The following KCNH5 variants were observed in gnomAD, a reference collection of about 807,000 sequenced individuals.
The protein encoded by KCNH5 is voltage-gated delayed rectifier potassium channel KCNH5.
A neutral mutation model predicts 96.1 loss-of-function variants in KCNH5; 46 were observed. That is an observed-to-expected ratio of 0.48 (90% CI 0.38 to 0.61). The LOEUF is 0.61. Among genes scored for constraint, KCNH5 ranks in the 20% least tolerant of loss-of-function variants. KCNH5 has a pLI of 0.00. For synonymous variants in KCNH5, 439 were observed against 449.8 expected (o/e 0.98, Z 0.30); for missense variants, 907 against 1,225.8 (o/e 0.74, Z 3.88).
chr14:62,940,048 T>A (rs565800955), intron 7 of KCNH5, among the ~76,000 whole-genome samples: 23 of 152,326 alleles, frequency 1.5e-4, no homozygotes, highest in African/African-American at 4.3e-4. Flanking sequence ...ATGGTTTACA[T>A]AACTGATATA....
chr14:62,809,981 C>T lies in KCNH5; in HGVS notation c.1570-7400G>A, dbSNP rs113710334. 2.1e-3 allele frequency among the ~76,000 whole-genome samples: 317 copies of T among 152,162 alleles called. 1 individual carries two copies. Among genetic ancestry groups the T allele is most frequent in the African/African-American group, 7.1e-3 (295 of 41,562 alleles). On this transcript the variant is annotated intron_variant, in intron 8 of 10. Transcript: ENST00000322893. ...GGGCATATTACAATCAGCTAACAAG[C>T]CCATATCAGCTTAGTTCCAACAGTT...
intron 6 of KCNH5, among the ~76,000 whole-genome samples, chr14:62,980,291 G>A (rs1022174530): frequency 6.6e-6 from 1 of 152,146 alleles, no homozygotes; most frequent in Non-Finnish European, 1.5e-5. Flanking sequence ...CAGACAAAAT[G>A]TAAAGCAAAA....
chr14:62,990,981 C>G (rs1184164906), intron 4 of KCNH5, among the ~76,000 whole-genome samples: 2 of 152,008 alleles, frequency 1.3e-5, no homozygotes, highest in South Asian at 2.1e-4. Context: ...GGGGATCACC[C>G]CCATGATCTA....
At chr14:62,938,939 G>T (rs1220151896) in intron 7 of KCNH5, among the ~76,000 whole-genome samples, 1 of 152,198 alleles carries the variant, frequency 6.6e-6, no homozygotes, top group Non-Finnish European at 1.5e-5. Flanking sequence ...TGTTGAATTT[G>T]AAATTTGATT....
intron 6 of KCNH5, among the ~76,000 whole-genome samples, chr14:62,969,305 A>G (rs1447285786): frequency 6.6e-6 from 1 of 152,204 alleles, no homozygotes; most frequent in Non-Finnish European, 1.5e-5. Flanking sequence ...CATATGCTGG[A>G]AAAGAAGAAA....
intron 1 of KCNH5, among the ~76,000 whole-genome samples, chr14:63,036,971 T>C (rs76372504): frequency 0.014 from 2,151 of 152,248 alleles, 58 homozygotes; most frequent in African/African-American, 0.05. Flanking sequence ...TTCAGCATTA[T>C]GGAGGAGGCG....
intron 10 of KCNH5, among the ~76,000 whole-genome samples, chr14:62,708,848 A>G (rs1253002942): frequency 6.6e-6 from 1 of 152,222 alleles, no homozygotes; most frequent in African/African-American, 2.4e-5. Flanking sequence ...GTATACATAT[A>G]TAAGGAAATA....
intron 5 of KCNH5, among the ~76,000 whole-genome samples, chr14:62,982,686 C>T (rs374406451): frequency 2.0e-5 from 3 of 152,268 alleles, no homozygotes; most frequent in Admixed American, 2.0e-4. Flanking sequence ...AAGTTCCTCT[C>T]ATATACAGAA....
At position 62,916,572 on chromosome 14, in the gene KCNH5, C is replaced by T. The variant is rs1344801668; in HGVS notation, c.1369+33561G>A. ...ACAATTAAGTTTGTTGTGCCATTGA[C>T]GTGCCTTCTCTGATTTCTGATGAGA... is the stretch of plus-strand genomic sequence containing the variant. On this transcript the variant is annotated intron_variant, in intron 7 of 10. Transcript: ENST00000322893. 3.3e-5 allele frequency among the ~76,000 whole-genome samples: 5 copies of T among 152,174 alleles called. No individual in the cohort carries two copies. In the South Asian group the frequency reaches 6.2e-4, roughly 19 times the overall value.
chr14:62,823,014 G>A (rs551759492), intron 8 of KCNH5, among the ~76,000 whole-genome samples: 167 of 152,096 alleles, frequency 1.1e-3, no homozygotes, highest in Middle Eastern at 3.4e-3. Flanking sequence ...GTAATGGTTG[G>A]AGGTGTACCT....
chr14:62,790,641 G>A (rs1019713498), intron 9 of KCNH5, among the ~76,000 whole-genome samples: 1 of 150,506 alleles, frequency 6.6e-6, no homozygotes, highest in Admixed American at 6.6e-5. Context: ...TATACCCAGA[G>A]TCAGCCAATT....
intron 6 of KCNH5, among the ~76,000 whole-genome samples, chr14:62,970,774 A>C (rs1352269206): frequency 6.6e-6 from 1 of 152,178 alleles, no homozygotes; most frequent in Non-Finnish European, 1.5e-5. Flanking sequence ...GGATGTAGAT[A>C]AATCATTTAA....
intron 1 of KCNH5, among the ~76,000 whole-genome samples, chr14:63,023,649 A>G (rs1286732484): frequency 6.6e-6 from 1 of 152,178 alleles, no homozygotes; most frequent in Non-Finnish European, 1.5e-5. Context: ...AAGACAGTAA[A>G]ATACATATTC....
intron 7 of KCNH5, among the ~76,000 whole-genome samples, chr14:62,949,281 C>A (rs1202014872): frequency 6.6e-6 from 1 of 152,240 alleles, no homozygotes. Flanking sequence ...AGCCCAAAAT[C>A]TCCTTAAGCT....
chr14:62,735,595 C>T (rs1230432366), intron 10 of KCNH5, among the ~76,000 whole-genome samples: 1 of 152,054 alleles, frequency 6.6e-6, no homozygotes, highest in Non-Finnish European at 1.5e-5. Context: ...GGCGGTACTC[C>T]ACCTTCAAAA....
intron 7 of KCNH5, among the ~76,000 whole-genome samples, chr14:62,877,163 C>T (rs1242971391): frequency 6.6e-6 from 1 of 151,952 alleles, no homozygotes; most frequent in East Asian, 1.9e-4. Context: ...GAAACTGGAT[C>T]CCTTCCTTAC....
intron 1 of KCNH5, among the ~76,000 whole-genome samples, chr14:63,018,532 C>T (rs1891369173): frequency 6.6e-6 from 1 of 151,938 alleles, no homozygotes; most frequent in Non-Finnish European, 1.5e-5. Context: ...TCCCATCAAG[C>T]TAGAGAAGCT....
intron 7 of KCNH5, among the ~76,000 whole-genome samples, chr14:62,862,337 C>T (rs1383346358): frequency 6.6e-6 from 1 of 152,144 alleles, no homozygotes; most frequent in Non-Finnish European, 1.5e-5. Context: ...TATGGAATAG[C>T]CAGGAGCTTC....
At chr14:62,927,363 T>A (rs372477267) in intron 7 of KCNH5, among the ~76,000 whole-genome samples, 74 of 152,144 alleles carry the variant, frequency 4.9e-4, no homozygotes, top group African/African-American at 1.7e-3. Flanking sequence ...AACTACCATA[T>A]GATCCAGCAA....
Sources: gnomAD v4.1 joint callset for allele counts (sites outside exome capture counted in the v4.1 genomes callset) on GRCh38, gnomAD v4.1.1 for gene constraint, MANE v1.5 for transcripts, NCBI Gene and HGNC (gene_info 2026-07-23, HGNC 2026-07-21) for gene names.